NCOA1: variants seen among roughly 807,000 people sequenced by gnomAD.
The protein encoded by NCOA1 is nuclear receptor coactivator 1, also known as Hin-2 protein.
In NCOA1, 35 loss-of-function variants were observed where a neutral mutation model predicts 150.9. That is an observed-to-expected ratio of 0.23 (90% CI 0.18 to 0.31). The LOEUF is 0.31. Among genes scored for constraint, NCOA1 ranks in the 10% least tolerant of loss-of-function variants. The probability of loss-of-function intolerance (pLI) is 1.00; values close to 1 mark genes in which losing one functional copy is unlikely to be tolerated. For synonymous variants in NCOA1, 590 were observed against 630.0 expected, an observed-to-expected ratio of 0.94 and a Z score of 0.95; for missense variants, 1,491 against 1,749.3, an observed-to-expected ratio of 0.85 and a Z score of 2.63.
At chr2:24,569,518 T>G (rs1002600276) in intron 2 of NCOA1, among the ~76,000 whole-genome samples, 3 of 150,940 alleles carry the variant, frequency 2.0e-5, no homozygotes, top group Admixed American at 2.0e-4. Context: ...CCTCTGAGAG[T>G]TTGACCGTAT....
chr2:24,702,182 T>G (rs1673196842), intron 11 of NCOA1, among the ~76,000 whole-genome samples: 1 of 152,350 alleles, frequency 6.6e-6, no homozygotes, highest in South Asian at 2.1e-4. Context: ...GAAAATCTTT[T>G]TATGTCAAAC....
chr2:24,505,016 G>A (rs528642669), intron 1 of NCOA1, among the ~76,000 whole-genome samples: 2 of 151,930 alleles, frequency 1.3e-5, no homozygotes, highest in African/African-American at 4.8e-5. Flanking sequence ...TTGGGTGGTG[G>A]TTAAAATAGT....
At chr2:24,619,402 A>G (rs1669016715) in intron 3 of NCOA1, among the ~76,000 whole-genome samples, 1 of 152,238 alleles carries the variant, frequency 6.6e-6, no homozygotes, top group African/African-American at 2.4e-5. Flanking sequence ...ATCTACTACC[A>G]ATAGTAGGAG....
At chr2:24,677,540 C>T (rs1461660519) in intron 7 of NCOA1, among the ~76,000 whole-genome samples, 3 of 152,122 alleles carry the variant, frequency 2.0e-5, no homozygotes, top group African/African-American at 7.2e-5. Context: ...TCTTGTGCCT[C>T]AGCCTCCCAA....
At chr2:24,629,842 A>ATATATATATATATATATATG (rs1669618900) in intron 3 of NCOA1, among the ~76,000 whole-genome samples, 1 of 136,830 alleles carries the variant, frequency 7.3e-6, no homozygotes, top group African/African-American at 2.9e-5. Flanking sequence ...ATATATATAT[A>ATATATATATATATATATATG]TATATGTATT....
intron 4 of NCOA1, among the ~76,000 whole-genome samples, chr2:24,655,084 T>C (rs1170814006): frequency 6.6e-6 from 1 of 152,224 alleles, no homozygotes; most frequent in Non-Finnish European, 1.5e-5. Flanking sequence ...TGAAACTTAA[T>C]GAGGACAGTT....
chr2:24,568,418 G>T (rs1281315680), intron 2 of NCOA1, among the ~76,000 whole-genome samples: 1 of 151,954 alleles, frequency 6.6e-6, no homozygotes, highest in African/African-American at 2.4e-5. Context: ...CCCTGCTACA[G>T]TTTTTTTTCT....
intron 3 of NCOA1, among the ~76,000 whole-genome samples, chr2:24,618,057 G>A (rs866239607): frequency 6.6e-6 from 1 of 152,104 alleles, no homozygotes; most frequent in Non-Finnish European, 1.5e-5. Context: ...GAATGCATAT[G>A]CAGATATTCA....
chr2:24,517,315 C>T (rs1664243546), intron 1 of NCOA1, among the ~76,000 whole-genome samples: 1 of 151,734 alleles, frequency 6.6e-6, no homozygotes. Context: ...TTCTGCTTGT[C>T]ACTGCTGTTC....
intron 4 of NCOA1, among the ~76,000 whole-genome samples, chr2:24,653,290 G>GT (rs1670786539): frequency 6.6e-6 from 1 of 152,022 alleles, no homozygotes; most frequent in South Asian, 2.1e-4. Context: ...ATCACGGGTT[G>GT]TTTTTTTACA....
Position 24,710,953 on chromosome 2 carries a change from T to G in NCOA1, c.2441T>G (p.Phe814Cys), listed in dbSNP as rs769147642. ...TAGTTTACAGCTGACCTTGACCAGT[T>G]TGATCAGTTACTGCCCACGCTGGAG... ...QSQFTADLDQ[F>C]DQLLPTLEKA... Residue 814 changes from phenylalanine (F) to cysteine (C), a missense_variant, in exon 14 of 23, where the codon TTT (phenylalanine) becomes TGT (cysteine). This residue lies in a region of NCOA1 where 703 missense variants were observed against 717.7 expected (regional missense o/e 0.98). Coordinates refer to ENST00000348332, the MANE Select transcript of NCOA1 (RefSeq NM_003743.5). 3 of 1,614,072 alleles carry G rather than the reference T, an allele frequency of 1.9e-6. No individual in the cohort carries two copies. Among genetic ancestry groups the G allele is most frequent in the Non-Finnish European group, 2.5e-6 (3 of 1,179,984 alleles).
intron 3 of NCOA1, among the ~76,000 whole-genome samples, chr2:24,611,318 G>A (rs150518702): frequency 7.2e-5 from 11 of 152,220 alleles, no homozygotes; most frequent in African/African-American, 1.9e-4. Flanking sequence ...CGTGGTATAC[G>A]TGTACCACAT....
chr2:24,610,087 T>C (rs1320544832), intron 3 of NCOA1, among the ~76,000 whole-genome samples: 1 of 151,260 alleles, frequency 6.6e-6, no homozygotes, highest in Non-Finnish European at 1.5e-5. Flanking sequence ...AACCTTTCTT[T>C]CATATTTTGC....
At chr2:24,590,152 G>A (rs914070654) in intron 3 of NCOA1, among the ~76,000 whole-genome samples, 6 of 151,946 alleles carry the variant, frequency 3.9e-5, no homozygotes, top group African/African-American at 1.5e-4. Flanking sequence ...TAATTCATAA[G>A]GTAAATATTA....
At chr2:24,573,127 C>A (rs1666808966) in intron 2 of NCOA1, among the ~76,000 whole-genome samples, 1 of 151,912 alleles carries the variant, frequency 6.6e-6, no homozygotes, top group Non-Finnish European at 1.5e-5. Context: ...TGAAGATGAT[C>A]TTAAATGAGG....
At chr2:24,744,595 T>A (rs1223996418) in intron 19 of NCOA1, among the ~76,000 whole-genome samples, 1 of 152,204 alleles carries the variant, frequency 6.6e-6, no homozygotes, top group African/African-American at 2.4e-5. Flanking sequence ...ACAAAAACAG[T>A]TTATTGTGGC....
intron 10 of NCOA1, among the ~76,000 whole-genome samples, chr2:24,695,288 T>TAG (rs1284577957): frequency 2.6e-5 from 4 of 151,806 alleles, no homozygotes; most frequent in Admixed American, 6.6e-5. Flanking sequence ...ACTATATATA[T>TAG]ATAGAGAGAG....
At chr2:24,745,788 T>C (rs1663887502) in intron 19 of NCOA1, among the ~76,000 whole-genome samples, 2 of 152,246 alleles carry the variant, frequency 1.3e-5, no homozygotes, top group Non-Finnish European at 2.9e-5. Context: ...ATCAACTCCA[T>C]GTTCCCTTTT....
intron 1 of NCOA1, among the ~76,000 whole-genome samples, chr2:24,518,135 A>T (rs895031775): frequency 7.9e-5 from 12 of 152,202 alleles, no homozygotes; most frequent in African/African-American, 2.7e-4. Flanking sequence ...AAAGTATAAT[A>T]CATTATGATT....
Sources: gnomAD v4.1 joint callset for allele counts (sites outside exome capture counted in the v4.1 genomes callset) on GRCh38, gnomAD v4.1.1 for gene constraint, gnomAD v4.1.1 regional missense constraint, MANE v1.5 for transcripts, NCBI Gene and HGNC (gene_info 2026-07-23, HGNC 2026-07-21) for gene names.